The following ERC1 variants were observed in gnomAD, a reference collection of about 807,000 sequenced individuals.
ERC1 encodes the protein ELKS/RAB6-interacting/CAST family member 1.
Under a neutral mutation model 132.0 loss-of-function variants are expected in ERC1, and 56 were observed. The ratio of observed to expected loss-of-function variants is 0.42; its 90% CI spans 0.34 to 0.53. ERC1 has a LOEUF of 0.53. ERC1 is among the 20% of genes least tolerant of loss of function. The pLI, the probability that ERC1 is intolerant of heterozygous loss-of-function variation, is 0.03. For synonymous variants in ERC1, 478 were observed against 476.1 expected (o/e 1.00, Z -0.05); for missense variants, 1,202 against 1,349.9 (o/e 0.89, Z 1.72).
chr12:1,077,224 A>T (rs1555228879), intron 2 of ERC1, among the ~76,000 whole-genome samples: 1 of 151,962 alleles, frequency 6.6e-6, no homozygotes, highest in Non-Finnish European at 1.5e-5. Flanking sequence ...CGTGTCCATA[A>T]TTTTTTTTCT....
chr12:1,342,782 G>A (rs2084047489), intron 15 of ERC1, among the ~76,000 whole-genome samples: 1 of 152,190 alleles, frequency 6.6e-6, no homozygotes, highest in Admixed American at 6.5e-5. Context: ...AGCAAAGAAT[G>A]TTTGAGGAGA....
At chr12:1,172,094 C>G (rs1240012134) in intron 8 of ERC1, among the ~76,000 whole-genome samples, 1 of 152,114 alleles carries the variant, frequency 6.6e-6, no homozygotes, top group Non-Finnish European at 1.5e-5. Context: ...TCTTTCCACC[C>G]TAGTAAACAG....
intron 18 of ERC1, among the ~76,000 whole-genome samples, chr12:1,469,192 C>G (rs2093807506): frequency 6.6e-6 from 1 of 152,238 alleles, no homozygotes; most frequent in Non-Finnish European, 1.5e-5. Flanking sequence ...CCACGCAGCT[C>G]TCTTCTCCCT....
rs555089552 is a variant in ERC1, at chr12:1,320,075, G to C, written c.2780+30063G>C. Among the ~76,000 whole-genome samples the C allele has an allele frequency of 7.9e-5, 12 of 152,264 alleles. No homozygotes were observed. The South Asian group carries it at 2.5e-3, about 31-fold the overall frequency. ...TGTTTAACAAGTGCTTTGTGTTCCAGTGTATAGATACTGCATTATTTATTT... is the reference window on the plus strand; with the variant it reads ...TGTTTAACAAGTGCTTTGTGTTCCACTGTATAGATACTGCATTATTTATTT... On this transcript the variant is annotated intron_variant, in intron 15 of 18. Coordinates refer to ENST00000360905, the MANE Select transcript of ERC1 (RefSeq NM_178040.4).
intron 1 of ERC1, 141 bp downstream of exon 1, chr12:991,463 C>G (rs1156701572): frequency 6.6e-6 from 1 of 152,496 alleles, no homozygotes; most frequent in Non-Finnish European, 1.5e-5. Flanking sequence ...GGGCAACGCG[C>G]CCCCGGGGAG....
At chr12:1,411,527 A>G (rs1311789165) in intron 17 of ERC1, among the ~76,000 whole-genome samples, 3 of 152,120 alleles carry the variant, frequency 2.0e-5, no homozygotes, top group Non-Finnish European at 2.9e-5. Flanking sequence ...TCCTGAGGGC[A>G]TGAATGAAGT....
chr12:1,027,325 T>C (rs1194478809), intron 1 of ERC1: 1 of 152,304 alleles, frequency 6.6e-6, no homozygotes, highest in East Asian at 1.9e-4. Context: ...AAGTCAGATA[T>C]TCAGACATTG....
At chr12:1,465,548 G>T (rs758581557) in intron 18 of ERC1, among the ~76,000 whole-genome samples, 2 of 152,174 alleles carry the variant, frequency 1.3e-5, no homozygotes, top group African/African-American at 2.4e-5. Flanking sequence ...AAACAAAAAG[G>T]TGTGAGACCA....
chr12:1,033,877 G>A (rs902115403), intron 2 of ERC1, among the ~76,000 whole-genome samples: 2 of 152,064 alleles, frequency 1.3e-5, no homozygotes, highest in Non-Finnish European at 2.9e-5. Context: ...TGATCTGCCC[G>A]CCTCAACCTC....
intron 2 of ERC1, among the ~76,000 whole-genome samples, chr12:1,055,398 T>G (rs1226677975): frequency 2.0e-5 from 3 of 152,174 alleles, no homozygotes; most frequent in African/African-American, 7.2e-5. Flanking sequence ...CAGGCTGGTC[T>G]CGAACTCCTG....
At chr12:1,195,356 G>A (rs1159150277) in intron 12 of ERC1, among the ~76,000 whole-genome samples, 1 of 151,986 alleles carries the variant, frequency 6.6e-6, no homozygotes, top group Non-Finnish European at 1.5e-5. Flanking sequence ...TCTCCCTTTT[G>A]CCTTAACATT....
At chr12:1,189,209 A>T (rs1955457538) in intron 11 of ERC1, among the ~76,000 whole-genome samples, 1 of 152,190 alleles carries the variant, frequency 6.6e-6, no homozygotes, top group Non-Finnish European at 1.5e-5. Flanking sequence ...CACTGAGCCC[A>T]TCCTTAAGTG....
intron 16 of ERC1, among the ~76,000 whole-genome samples, chr12:1,375,733 C>CT (rs35535185): frequency 0.027 from 2,862 of 107,040 alleles, 108 homozygotes; most frequent in African/African-American, 0.085. Context: ...GCTCTTGTTC[C>CT]TTTTTTTTTT....
intron 8 of ERC1, among the ~76,000 whole-genome samples, chr12:1,145,191 A>G (rs997317898): frequency 2.0e-5 from 3 of 151,834 alleles, no homozygotes; most frequent in African/African-American, 7.3e-5. Flanking sequence ...TAATTTTTGC[A>G]TTTTTAGTCG....
At chr12:1,472,800 T>C (rs1041641356) in intron 18 of ERC1, among the ~76,000 whole-genome samples, 3 of 152,178 alleles carry the variant, frequency 2.0e-5, no homozygotes, top group African/African-American at 4.8e-5. Context: ...TGAACACTTA[T>C]TACATGCCAG....
At chr12:1,444,509 C>T in intron 17 of ERC1, 53 bp from the exon 18 acceptor site, 1 of 1,318,540 alleles carries the variant, frequency 7.6e-7, no homozygotes. Context: ...TCATTTCAGA[C>T]TGACCTTGAC....
chr12:1,386,423 A>G (rs1287589276), intron 16 of ERC1, among the ~76,000 whole-genome samples: 2 of 150,964 alleles, frequency 1.3e-5, no homozygotes, highest in African/African-American at 2.4e-5. Flanking sequence ...CAAGGCAGGC[A>G]GATCACTTGA....
intron 14 of ERC1, among the ~76,000 whole-genome samples, chr12:1,269,732 A>G (rs137940979): frequency 6.6e-6 from 1 of 152,318 alleles, no homozygotes; most frequent in East Asian, 1.9e-4. Context: ...CAAAAGGCAC[A>G]TGGGCACAGG....
At chr12:1,465,897 G>A (rs769309522) in intron 18 of ERC1, among the ~76,000 whole-genome samples, 41 of 152,282 alleles carry the variant, frequency 2.7e-4, no homozygotes, top group South Asian at 1.5e-3. Flanking sequence ...CCACAGTCGC[G>A]GGTTTTCTCC....
Sources: allele counts gnomAD v4.1 joint callset (sites outside exome capture counted in the v4.1 genomes callset), GRCh38; gene constraint gnomAD v4.1.1; transcripts MANE v1.5; gene names NCBI Gene and HGNC (gene_info 2026-07-23, HGNC 2026-07-21).